The following ASIC2 variants were observed in gnomAD, a reference collection of about 807,000 sequenced individuals.
The protein encoded by ASIC2 is acid sensing ion channel subunit 2.
A neutral mutation model predicts 57.3 loss-of-function variants in ASIC2; 25 were observed. The ratio of observed to expected loss-of-function variants is 0.44; its 90% CI spans 0.32 to 0.61. ASIC2 has a LOEUF of 0.61. Ranked by LOEUF, ASIC2 falls within the 20% of genes least tolerant of loss-of-function variation. ASIC2 has a pLI of 0.06. For missense variants in ASIC2, 641 were observed against 738.1 expected, an observed-to-expected ratio of 0.87 and a Z score of 1.52; for synonymous variants, 319 against 307.5, an observed-to-expected ratio of 1.04 and a Z score of -0.39.
chr17:33,864,211 A>C (rs1914174333), intron 1 of ASIC2, among the ~76,000 whole-genome samples: 1 of 152,002 alleles, frequency 6.6e-6, no homozygotes, highest in Admixed American at 6.6e-5. Context: ...CTGGCCAGTT[A>C]CCTTCTTTTT....
At chr17:33,834,579 TAAC>T (rs1392713309) in intron 1 of ASIC2, 1 of 152,164 alleles carries the variant, frequency 6.6e-6, no homozygotes, top group Non-Finnish European at 1.5e-5. Context: ...TGTGGGGACA[TAAC>T]AAATACAGCC....
At chr17:33,439,534 T>G (rs943816829) in intron 1 of ASIC2, among the ~76,000 whole-genome samples, 3 of 152,130 alleles carry the variant, frequency 2.0e-5, no homozygotes, top group African/African-American at 7.2e-5. Flanking sequence ...CCCCCTCTAT[T>G]CCCTGCTTCT....
intron 1 of ASIC2, among the ~76,000 whole-genome samples, chr17:33,642,057 C>T (rs1406089955): frequency 6.6e-6 from 1 of 152,156 alleles, no homozygotes; most frequent in Non-Finnish European, 1.5e-5. Context: ...ATACATTCAG[C>T]TGTGGCTATT....
chr17:33,202,645 T>C (rs539068696), intron 1 of ASIC2, among the ~76,000 whole-genome samples: 6 of 152,318 alleles, frequency 3.9e-5, no homozygotes, highest in Non-Finnish European at 8.8e-5. Context: ...CATTAACTTA[T>C]AGATATATTT....
At chr17:33,065,223 C>T (rs746360635) in intron 3 of ASIC2, among the ~76,000 whole-genome samples, 2 of 152,134 alleles carry the variant, frequency 1.3e-5, no homozygotes, top group Non-Finnish European at 2.9e-5. Context: ...GTCACCCAGG[C>T]TGGAGTGCAG....
At chr17:33,664,179 C>G (rs1042877071) in intron 1 of ASIC2, among the ~76,000 whole-genome samples, 2 of 152,146 alleles carry the variant, frequency 1.3e-5, no homozygotes, top group Admixed American at 1.3e-4. Context: ...ACCTTAGGGC[C>G]CTTACACATG....
intron 1 of ASIC2, among the ~76,000 whole-genome samples, chr17:33,434,331 C>A (rs1911527225): frequency 6.6e-6 from 1 of 151,982 alleles, no homozygotes; most frequent in Admixed American, 6.6e-5. Context: ...AATAACAAAT[C>A]TAAATCTGCA....
intron 1 of ASIC2, among the ~76,000 whole-genome samples, chr17:33,286,330 C>T (rs945945245): frequency 2.0e-5 from 3 of 152,178 alleles, no homozygotes; most frequent in Non-Finnish European, 4.4e-5. Context: ...GGAGTGGCTT[C>T]TCATAGAGTT....
At chr17:33,205,678 C>T (rs1307108735) in intron 1 of ASIC2, among the ~76,000 whole-genome samples, 11 of 152,214 alleles carry the variant, frequency 7.2e-5, no homozygotes, top group Non-Finnish European at 1.0e-4. Flanking sequence ...TGGCCTCTTG[C>T]TGGAGGCAGC....
At chr17:34,076,656 C>T (rs528236294) in intron 1 of ASIC2, among the ~76,000 whole-genome samples, 2 of 152,252 alleles carry the variant, frequency 1.3e-5, no homozygotes, top group South Asian at 2.1e-4. Context: ...CCCATGTGGT[C>T]GCCCAACCTA....
chr17:33,478,378 A>T (rs896564946), intron 1 of ASIC2, among the ~76,000 whole-genome samples: 11 of 152,196 alleles, frequency 7.2e-5, no homozygotes, highest in Non-Finnish European at 1.6e-4. Context: ...TCAAACACGA[A>T]CTACCGTTCT....
intron 1 of ASIC2, among the ~76,000 whole-genome samples, chr17:33,677,424 A>AT (rs1325399848): frequency 6.6e-6 from 1 of 152,246 alleles, no homozygotes; most frequent in Admixed American, 6.5e-5. Context: ...AAGTCTTATT[A>AT]TTCAAGAAAT....
At chr17:33,450,081 C>A (rs1912189522) in intron 1 of ASIC2, among the ~76,000 whole-genome samples, 1 of 152,136 alleles carries the variant, frequency 6.6e-6, no homozygotes, top group Non-Finnish European at 1.5e-5. Flanking sequence ...CACAAAATAA[C>A]TTTTATTGCA....
chr17:33,854,386 C>A (rs317418), intron 1 of ASIC2, among the ~76,000 whole-genome samples: 1 of 152,036 alleles, frequency 6.6e-6, no homozygotes, highest in Admixed American at 6.5e-5. Context: ...TCTTTCTGTA[C>A]CCACATATGT....
At chr17:33,313,810 T>A (rs1469298482) in intron 1 of ASIC2, among the ~76,000 whole-genome samples, 1 of 152,004 alleles carries the variant, frequency 6.6e-6, no homozygotes, top group Non-Finnish European at 1.5e-5. Flanking sequence ...CACTTCCGTA[T>A]CCGGACTAGA....
At chr17:34,039,127 A>G in intron 1 of ASIC2, 2 of 1,614,030 alleles carry the variant, frequency 1.2e-6, no homozygotes, top group African/African-American at 1.3e-5. Context: ...CTGTTCATCA[A>G]TCTGCCGTCT....
chr17:33,692,055 T>C (rs959389276), intron 1 of ASIC2, among the ~76,000 whole-genome samples: 1 of 152,154 alleles, frequency 6.6e-6, no homozygotes, highest in African/African-American at 2.4e-5. Flanking sequence ...TTGCAGGCAA[T>C]TGTAACAAAA....
At chr17:34,053,499 T>C (rs1432119152) in intron 1 of ASIC2, among the ~76,000 whole-genome samples, 1 of 152,216 alleles carries the variant, frequency 6.6e-6, no homozygotes, top group Non-Finnish European at 1.5e-5. Flanking sequence ...ATGGGCAACA[T>C]CCCACAGTAT....
At chr17:33,275,700 C>G (rs994769850) in intron 1 of ASIC2, among the ~76,000 whole-genome samples, 2 of 152,198 alleles carry the variant, frequency 1.3e-5, no homozygotes, top group African/African-American at 4.8e-5. Context: ...TAAAATCTGT[C>G]TATGGAAAAG....
Sources: allele counts gnomAD v4.1 joint callset (sites outside exome capture counted in the v4.1 genomes callset), GRCh38; gene constraint gnomAD v4.1.1; transcripts MANE v1.5; gene names NCBI Gene and HGNC (gene_info 2026-07-23, HGNC 2026-07-21).